The following AGBL4 variants were observed in gnomAD, a reference collection of about 807,000 sequenced individuals.
AGBL4 encodes cytosolic carboxypeptidase 6.
AGBL4 carries 58 observed loss-of-function variants against 66.4 expected under a neutral mutation model. The ratio of observed to expected loss-of-function variants is 0.87; its 90% confidence interval spans 0.71 to 1.09. AGBL4 has a LOEUF of 1.09. AGBL4 is among the 50% of genes least tolerant of loss of function. The pLI is 0.00. For synonymous variants in AGBL4, 234 were observed against 222.9 expected (o/e 1.05, Z -0.44); for missense variants, 579 against 631.0 (o/e 0.92, Z 0.88).
chr1:49,181,241 C>G (rs897819863), intron 4 of AGBL4, among the ~76,000 whole-genome samples: 12 of 152,194 alleles, frequency 7.9e-5, no homozygotes, highest in African/African-American at 2.9e-4. Flanking sequence ...GCCTTGTACA[C>G]TCTGTTCCCA....
intron 4 of AGBL4, among the ~76,000 whole-genome samples, chr1:49,229,007 C>T (rs895937856): frequency 6.6e-6 from 1 of 152,148 alleles, no homozygotes; most frequent in Non-Finnish European, 1.5e-5. Flanking sequence ...GCCAAAATTG[C>T]TCATTATTTT....
chr1:48,828,922 CGTGT>C (rs371689742), intron 6 of AGBL4, among the ~76,000 whole-genome samples: 2 of 152,056 alleles, frequency 1.3e-5, no homozygotes, highest in African/African-American at 4.8e-5. Flanking sequence ...GCATTGTGTA[CGTGT>C]GTGTGTGTAT....
At chr1:49,263,685 A>G (rs994984398) in intron 3 of AGBL4, among the ~76,000 whole-genome samples, 4 of 152,182 alleles carry the variant, frequency 2.6e-5, no homozygotes, top group African/African-American at 9.7e-5. Context: ...AATGATTTTG[A>G]ACATTGCTGG....
At chr1:49,777,204 C>T (rs1644219851) in intron 2 of AGBL4, among the ~76,000 whole-genome samples, 1 of 152,042 alleles carries the variant, frequency 6.6e-6, no homozygotes, top group Non-Finnish European at 1.5e-5. Context: ...TTCATAGAAA[C>T]TGGTGAATTA....
chr1:49,406,381 C>G (rs545890145), intron 3 of AGBL4, among the ~76,000 whole-genome samples: 1 of 152,274 alleles, frequency 6.6e-6, no homozygotes, highest in Non-Finnish European at 1.5e-5. Flanking sequence ...AACCAATAAT[C>G]TTACCTACAA....
chr1:49,461,706 G>T (rs1054243087), intron 3 of AGBL4, among the ~76,000 whole-genome samples: 2 of 142,010 alleles, frequency 1.4e-5, no homozygotes, highest in Non-Finnish European at 3.0e-5. Context: ...ACTTATAAGT[G>T]AGAACATGCG....
chr1:48,675,564 A>G (rs949710307), intron 6 of AGBL4, among the ~76,000 whole-genome samples: 1 of 152,398 alleles, frequency 6.6e-6, no homozygotes, highest in East Asian at 1.9e-4. Flanking sequence ...AATGGATTTT[A>G]AAACATCCAT....
chr1:48,931,176 C>T (rs1655008161), intron 5 of AGBL4, among the ~76,000 whole-genome samples: 1 of 152,134 alleles, frequency 6.6e-6, no homozygotes. Flanking sequence ...ATATGGTGAA[C>T]TAAAAATGAT....
intron 11 of AGBL4, among the ~76,000 whole-genome samples, chr1:48,567,437 G>A (rs1644494865): frequency 6.6e-6 from 1 of 152,170 alleles, no homozygotes; most frequent in African/African-American, 2.4e-5. Context: ...AGGTATGGAG[G>A]GACTGAGGAG....
chr1:49,503,585 C>T (rs1308559872), intron 3 of AGBL4, among the ~76,000 whole-genome samples: 1 of 152,182 alleles, frequency 6.6e-6, no homozygotes, highest in Non-Finnish European at 1.5e-5. Context: ...TGCAAAGCCA[C>T]AGGGGCAGAG....
At chr1:49,547,411 T>C (rs777435090) in intron 3 of AGBL4, among the ~76,000 whole-genome samples, 3 of 152,222 alleles carry the variant, frequency 2.0e-5, no homozygotes, top group East Asian at 1.9e-4. Context: ...TATGGCCTTA[T>C]AGCATAGTTT....
intron 6 of AGBL4, among the ~76,000 whole-genome samples, chr1:48,770,569 G>T (rs536332574): frequency 1.3e-5 from 2 of 152,204 alleles, no homozygotes; most frequent in South Asian, 4.2e-4. Flanking sequence ...CTTAGTTCAT[G>T]ACTTCCAGAT....
intron 2 of AGBL4, among the ~76,000 whole-genome samples, chr1:49,759,803 T>C (rs1290101360): frequency 6.6e-6 from 1 of 152,164 alleles, no homozygotes; most frequent in Non-Finnish European, 1.5e-5. Flanking sequence ...TACTGATACA[T>C]GCTACAACAT....
chr1:49,327,987 T>C (rs922404929), intron 3 of AGBL4, among the ~76,000 whole-genome samples: 36 of 152,120 alleles, frequency 2.4e-4, no homozygotes, highest in African/African-American at 8.2e-4. Flanking sequence ...ACATTTCCGT[T>C]TTGAAAAAGG....
intron 3 of AGBL4, among the ~76,000 whole-genome samples, chr1:49,270,282 A>G (rs1188957189): frequency 6.6e-6 from 1 of 152,088 alleles, no homozygotes; most frequent in African/African-American, 2.4e-5. Flanking sequence ...ATCTTGTTTT[A>G]TGTCCTTGAA....
At chr1:49,532,119 A>T (rs1433630490) in intron 3 of AGBL4, among the ~76,000 whole-genome samples, 1 of 152,034 alleles carries the variant, frequency 6.6e-6, no homozygotes, top group Non-Finnish European at 1.5e-5. Flanking sequence ...CCCTTCCCTC[A>T]TCTGTATGGT....
intron 4 of AGBL4, among the ~76,000 whole-genome samples, chr1:49,061,136 C>T (rs550227709): frequency 2.6e-5 from 4 of 151,954 alleles, no homozygotes; most frequent in South Asian, 2.1e-4. Context: ...CTCCTGGGGG[C>T]GAAAGTACAA....
intron 3 of AGBL4, among the ~76,000 whole-genome samples, chr1:49,695,020 G>T (rs186212443): frequency 1.5e-4 from 23 of 152,134 alleles, no homozygotes; most frequent in Admixed American, 7.2e-4. Flanking sequence ...TCTCTATTTA[G>T]CAAAGAACAC....
intron 5 of AGBL4, among the ~76,000 whole-genome samples, chr1:48,911,430 A>G (rs1243197756): frequency 1.3e-5 from 2 of 151,944 alleles, no homozygotes; most frequent in Admixed American, 1.3e-4. Context: ...ATCCTGGCTA[A>G]CACGGTGAAA....
Sources: allele counts gnomAD v4.1 joint callset (sites outside exome capture counted in the v4.1 genomes callset), GRCh38; gene constraint gnomAD v4.1.1; transcripts MANE v1.5; gene names NCBI Gene and HGNC (gene_info 2026-07-23, HGNC 2026-07-21).